Variants in PLPP4 observed in about 807,000 individuals in gnomAD.
PLPP4 encodes the protein phospholipid phosphatase 4, also known as diacylglycerol pyrophosphate like 2.
PLPP4 carries 20 observed loss-of-function variants against 32.2 expected under a neutral mutation model. That is an observed-to-expected ratio of 0.62 (90% CI 0.44 to 0.90). The LOEUF (loss-of-function observed/expected upper bound fraction) is 0.90. Among genes scored for constraint, PLPP4 ranks in the 40% least tolerant of loss-of-function variants. The pLI, the probability that PLPP4 is intolerant of heterozygous loss-of-function variation, is 0.00. For synonymous variants in PLPP4, 127 were observed against 133.0 expected (o/e 0.95, Z 0.31); for missense variants, 257 against 353.1 (o/e 0.73, Z 2.18).
chr10:120,532,118 G>A (rs554850320), intron 5 of PLPP4, among the ~76,000 whole-genome samples: 107 of 152,134 alleles, frequency 7.0e-4, no homozygotes, highest in African/African-American at 1.9e-3. Flanking sequence ...GTGTCCATGT[G>A]TTCTCATTGT....
chr10:120,499,396 G>A (rs73369294), intron 1 of PLPP4, among the ~76,000 whole-genome samples: 2,438 of 150,892 alleles, frequency 0.016, 65 homozygotes, highest in African/African-American at 0.056. Flanking sequence ...GGTAATTGGG[G>A]TTTTTGCCAT....
Position 120,566,669 on chromosome 10 carries a change from CTCAGCCTCCTGAGTA to C in PLPP4, c.446-8461_446-8447del, listed in dbSNP as rs542907218. ...TCCCGAGTTCAAGCAATTATCCCAC[CTCAGCCTCCTGAGTA>C]GCTAGGATTACAGGTGCCTGCCACC... is the stretch of plus-strand genomic sequence containing the variant. On this transcript the variant is annotated intron_variant, in intron 5 of 6. Transcript: ENST00000398250. Among the ~76,000 whole-genome samples, 254 of 152,154 alleles carry C rather than the reference CTCAGCCTCCTGAGTA, an allele frequency of 1.7e-3. 2 individuals are homozygous for C. The highest frequency in any genetic ancestry group is 5.3e-3 in the African/African-American group (222 of 41,516).
At chr10:120,538,216 G>T (rs919845402) in intron 5 of PLPP4, among the ~76,000 whole-genome samples, 3 of 150,474 alleles carry the variant, frequency 2.0e-5, no homozygotes, top group Non-Finnish European at 4.4e-5. Context: ...TTCCAGGCTT[G>T]CTTCTTTATG....
At chr10:120,528,201 A>G (rs1846513472) in intron 5 of PLPP4, among the ~76,000 whole-genome samples, 1 of 149,824 alleles carries the variant, frequency 6.7e-6, no homozygotes, top group Non-Finnish European at 1.5e-5. Context: ...CCGCCTCCCA[A>G]GTAGCTGGGA....
intron 6 of PLPP4, among the ~76,000 whole-genome samples, chr10:120,579,051 G>A (rs992477052): frequency 6.6e-6 from 1 of 152,158 alleles, no homozygotes; most frequent in African/African-American, 2.4e-5. Flanking sequence ...ATGTGATTAC[G>A]ATTTCTTGTC....
intron 1 of PLPP4, among the ~76,000 whole-genome samples, chr10:120,502,612 C>T (rs566495578): frequency 2.9e-4 from 44 of 152,244 alleles, no homozygotes; most frequent in African/African-American, 1.0e-3. Flanking sequence ...TGGCTCCTGC[C>T]CTCACACCCT....
At chr10:120,536,785 A>C (rs1449404072) in intron 5 of PLPP4, among the ~76,000 whole-genome samples, 1 of 152,120 alleles carries the variant, frequency 6.6e-6, no homozygotes, top group Non-Finnish European at 1.5e-5. Context: ...GGGAGGCAAT[A>C]CTTGCAAACT....
chr10:120,537,313 A>C (rs1446808997), intron 5 of PLPP4, among the ~76,000 whole-genome samples: 3 of 152,228 alleles, frequency 2.0e-5, no homozygotes, highest in Non-Finnish European at 1.5e-5. Flanking sequence ...TGAATAAAGA[A>C]AATGTGATAG....
At chr10:120,533,369 C>A (rs868188705) in intron 5 of PLPP4, among the ~76,000 whole-genome samples, 1 of 152,024 alleles carries the variant, frequency 6.6e-6, no homozygotes, top group South Asian at 2.1e-4. Flanking sequence ...GGTTTTGTGT[C>A]TTTTTATCAT....
intron 1 of PLPP4, among the ~76,000 whole-genome samples, chr10:120,499,408 CTT>C (rs765911858): frequency 0.046 from 6,497 of 142,238 alleles, 177 homozygotes; most frequent in Middle Eastern, 0.15. Flanking sequence ...TTTTGCCATG[CTT>C]TTTTTTTTTT....
Position 120,591,644 on chromosome 10 carries a change from C to G in PLPP4, c.*2142C>G, listed in dbSNP as rs1000737553. ...AAAAAAAAACCCCATCCTGATGTGGCCCACATTCTTATTTGATTCTAGTTT... is the reference window on the plus strand; with the variant it reads ...AAAAAAAAACCCCATCCTGATGTGGGCCACATTCTTATTTGATTCTAGTTT... On this transcript the variant is annotated 3_prime_UTR_variant, in exon 7 of 7. Transcript: ENST00000398250. 2.6e-5 allele frequency among the ~76,000 whole-genome samples: 4 copies of G among 151,558 alleles called. No homozygotes were observed. Among genetic ancestry groups the G allele is most frequent in the African/African-American group, 9.7e-5 (4 of 41,304 alleles).
At chr10:120,521,221 T>C (rs1474016852) in intron 5 of PLPP4, 126 bp downstream of exon 5, 2 of 1,188,088 alleles carry the variant, frequency 1.7e-6, no homozygotes, top group Non-Finnish European at 2.3e-6. Context: ...TTTCTTCACT[T>C]TACGGCGTTT....
At chr10:120,547,420 G>A (rs991309114) in intron 5 of PLPP4, among the ~76,000 whole-genome samples, 6 of 152,134 alleles carry the variant, frequency 3.9e-5, no homozygotes, top group East Asian at 1.9e-4. Flanking sequence ...TGAAGTGGAC[G>A]TTGAAAATTG....
chr10:120,586,125 T>G (rs1849741289), intron 6 of PLPP4, among the ~76,000 whole-genome samples: 1 of 106,942 alleles, frequency 9.4e-6, no homozygotes, highest in Non-Finnish European at 1.9e-5. Context: ...TCTTTTCTTT[T>G]TCTTTTTTTC....
At chr10:120,552,594 T>G (rs923411545) in intron 5 of PLPP4, among the ~76,000 whole-genome samples, 2 of 152,236 alleles carry the variant, frequency 1.3e-5, no homozygotes, top group African/African-American at 4.8e-5. Context: ...ACTTTTGTGC[T>G]CATTCCCAGG....
intron 5 of PLPP4, among the ~76,000 whole-genome samples, chr10:120,538,033 T>C (rs1847127055): frequency 1.1e-5 from 1 of 87,214 alleles, no homozygotes; most frequent in African/African-American, 4.0e-5. Context: ...TCTCTCTCTC[T>C]CTCTCTCTCT....
At chr10:120,459,432 CG>C (rs1847941826) in intron 1 of PLPP4, among the ~76,000 whole-genome samples, 1 of 152,306 alleles carries the variant, frequency 6.6e-6, no homozygotes, top group African/African-American at 2.4e-5. Flanking sequence ...TCTGGGAGGA[CG>C]GCTGGGAGCA....
intron 6 of PLPP4, among the ~76,000 whole-genome samples, chr10:120,575,865 G>T (rs1457565531): frequency 6.6e-6 from 1 of 152,186 alleles, no homozygotes; most frequent in Admixed American, 6.5e-5. Context: ...GGAGGGGCTT[G>T]TTCCTGAAAT....
At chr10:120,500,679 G>T (rs1270291540) in intron 1 of PLPP4, among the ~76,000 whole-genome samples, 3 of 146,100 alleles carry the variant, frequency 2.1e-5, no homozygotes, top group Non-Finnish European at 4.5e-5. Context: ...TTTTTCTGGG[G>T]GTGGGGGGGT....
Sources: allele counts gnomAD v4.1 joint callset (sites outside exome capture counted in the v4.1 genomes callset), GRCh38; gene constraint gnomAD v4.1.1; transcripts MANE v1.5; gene names NCBI Gene and HGNC (gene_info 2026-07-23, HGNC 2026-07-21).